Variants in AOPEP observed in about 807,000 individuals in gnomAD.
AOPEP encodes the protein aminopeptidase O.
In AOPEP, 77 loss-of-function variants were observed where a neutral mutation model predicts 98.1. The ratio of observed to expected loss-of-function variants is 0.78; its 90% CI spans 0.65 to 0.95. The LOEUF is 0.95. Among genes scored for constraint, AOPEP ranks in the 40% least tolerant of loss-of-function variants. The probability of loss-of-function intolerance (pLI) is 0.00; values close to 1 mark genes in which losing one functional copy is unlikely to be tolerated. For missense variants in AOPEP, 1,024 were observed against 1,024.7 expected (o/e 1.00, Z 0.01); for synonymous variants, 346 against 365.3 (o/e 0.95, Z 0.60).
chr9:94,808,257 C>G (rs1849681150), intron 5 of AOPEP, among the ~76,000 whole-genome samples: 1 of 152,134 alleles, frequency 6.6e-6, no homozygotes, highest in East Asian at 1.9e-4. Context: ...CCAGGCTGGT[C>G]ACGAACTCCT....
chr9:94,869,160 C>T (rs920645085), intron 5 of AOPEP, among the ~76,000 whole-genome samples: 2 of 152,182 alleles, frequency 1.3e-5, no homozygotes, highest in African/African-American at 4.8e-5. Flanking sequence ...ACCTGGGAGG[C>T]AGAGGCTGCA....
intron 1 of AOPEP, among the ~76,000 whole-genome samples, chr9:94,727,192 C>T (rs994855582): frequency 2.6e-5 from 4 of 152,252 alleles, no homozygotes; most frequent in Admixed American, 6.5e-5. Context: ...GCCTCTTCTT[C>T]CCCCGGAGGA....
chr9:94,820,076 G>C (rs963837301), intron 5 of AOPEP, among the ~76,000 whole-genome samples: 43 of 150,804 alleles, frequency 2.9e-4, no homozygotes, highest in African/African-American at 1.0e-3. Flanking sequence ...CTCCTGAATA[G>C]CTGGGATTAC....
intron 13 of AOPEP, among the ~76,000 whole-genome samples, chr9:95,042,260 C>T (rs925689551): frequency 2.7e-5 from 4 of 149,110 alleles, no homozygotes; most frequent in Non-Finnish European, 6.0e-5. Flanking sequence ...TGCAGTGAGC[C>T]GAGATTGCGC....
chr9:95,036,702 C>CTTTTTTTTTTTTTTTTTTTTT lies in AOPEP; in HGVS notation c.2116-23982_2116-23981insTTTTTTTTTTTTTTTTTTTTT, dbSNP rs58616523. Among the ~76,000 whole-genome samples the CTTTTTTTTTTTTTTTTTTTTT allele has an allele frequency of 1.5e-5, 2 of 135,830 alleles. 1 individual carries two copies. The allele number at this position is 135,830 out of a possible 152,430, so 89.1% of individuals were successfully genotyped here. ...TTTCTTGTTCTTCTTTCTTCTTCTT[C>CTTTTTTTTTTTTTTTTTTTTT]TTTTTTTTTTGTGGGGAATAAAACT... On this transcript the variant is annotated intron_variant, in intron 13 of 16. Transcript: ENST00000375315.
chr9:95,072,016 C>T (rs1564603315), intron 14 of AOPEP, among the ~76,000 whole-genome samples: 1 of 152,154 alleles, frequency 6.6e-6, no homozygotes, highest in Non-Finnish European at 1.5e-5. Flanking sequence ...GGCCGTTGTT[C>T]ACCTTTTGCC....
At chr9:95,135,406 T>A in the AOPEP span, 8 of 1,613,944 alleles carry the variant, frequency 5.0e-6, no homozygotes, top group Middle Eastern at 1.6e-4. Flanking sequence ...CACTGGAGAT[T>A]AGCTTTTCAA....
intron 5 of AOPEP, among the ~76,000 whole-genome samples, chr9:94,911,902 C>T (rs1435810717): frequency 6.6e-6 from 1 of 152,078 alleles, no homozygotes; most frequent in Admixed American, 6.5e-5. Context: ...TCTTAGCATA[C>T]AGCTTGTTGG....
Position 94,743,196 on chromosome 9 carries a change from A to AGAG in AOPEP, c.-136+16447_-136+16448insGGA, listed in dbSNP as rs1263073241. ...AAGAAGAAGAAGAAGAAGAAGAAGAAGAAGAGGAAGAAGAGGAAGAAGAGG... is the reference window on the plus strand; with the variant it reads ...AAGAAGAAGAAGAAGAAGAAGAAGAAGAGGAAGAGGAAGAAGAGGAAGAAGAGG... On this transcript the variant is annotated intron_variant, in intron 1 of 16. Transcript: ENST00000375315. Among the ~76,000 whole-genome samples the AGAG allele has an allele frequency of 4.9e-4, 52 of 106,382 alleles. No homozygotes were observed. The East Asian group carries it at 0.014, about 29-fold the overall frequency. 69.8% of individuals were successfully genotyped at this position (106,382 alleles called of 152,430 possible). A position where few individuals can be genotyped will look rare whatever the true frequency, so the allele number is the denominator to read the frequency against.
chr9:94,760,176 C>T lies in AOPEP; in HGVS notation c.393C>T (p.Cys131=), dbSNP rs768302616. 69 of 1,614,076 alleles carry T rather than the reference C, an allele frequency of 4.3e-5. No individual in the cohort carries two copies. In the East Asian group the frequency reaches 5.1e-4, roughly 12 times the overall value. ...CTGGGATTTCTAGCTCAAAGTACTG[C>T]TGTGACACAGGGAATCATGGGAGTG... ...HASGISSSKY[C]CDTGNHGSED... is the part of the protein sequence containing the mutation. The change falls in exon 2 of 17, where the codon TGC becomes TGT. Residue 131 remains cysteine (C), a synonymous_variant. Coordinates refer to ENST00000375315, the MANE Select transcript of AOPEP (RefSeq NM_001193329.3).
intron 5 of AOPEP, among the ~76,000 whole-genome samples, chr9:94,919,563 G>T (rs2053301061): frequency 1.3e-5 from 2 of 152,200 alleles, no homozygotes; most frequent in South Asian, 4.1e-4. Flanking sequence ...TCGTTTAGAA[G>T]AAGGGGCAGG....
At chr9:94,772,907 A>G (rs1386150375) in intron 2 of AOPEP, 95 bp from the exon 3 acceptor site, 2 of 1,227,724 alleles carry the variant, frequency 1.6e-6, no homozygotes, top group South Asian at 1.9e-5. Context: ...GTTTTCTTTG[A>G]AAGCTCAACT....
At chr9:94,815,562 C>A (rs937753722) in intron 5 of AOPEP, among the ~76,000 whole-genome samples, 1 of 152,094 alleles carries the variant, frequency 6.6e-6, no homozygotes, top group Non-Finnish European at 1.5e-5. Context: ...TGGGTATCCT[C>A]CTATTCCTTT....
chr9:94,747,671 G>T (rs536648458), intron 1 of AOPEP, among the ~76,000 whole-genome samples: 38 of 152,324 alleles, frequency 2.5e-4, no homozygotes, highest in African/African-American at 8.7e-4. Context: ...AGTTTCTGCT[G>T]TTTAAAATGA....
At chr9:95,046,549 A>T (rs2065882428) in intron 13 of AOPEP, among the ~76,000 whole-genome samples, 1 of 152,236 alleles carries the variant, frequency 6.6e-6, no homozygotes, top group Non-Finnish European at 1.5e-5. Flanking sequence ...AAACATGCAT[A>T]AAGCTTATTA....
intron 10 of AOPEP, among the ~76,000 whole-genome samples, chr9:94,968,989 C>T (rs1360062650): frequency 6.6e-6 from 1 of 152,080 alleles, no homozygotes; most frequent in Non-Finnish European, 1.5e-5. Flanking sequence ...CCCGATAATA[C>T]CAACAAGAGG....
chr9:95,022,632 T>C (rs929325976), intron 13 of AOPEP, among the ~76,000 whole-genome samples: 31 of 118,934 alleles, frequency 2.6e-4, no homozygotes, highest in Non-Finnish European at 7.5e-5. Context: ...AGCCACCGCG[T>C]CTGGCCTATT....
intron 5 of AOPEP, among the ~76,000 whole-genome samples, chr9:94,819,786 T>C (rs1208926764): frequency 2.0e-5 from 3 of 151,788 alleles, no homozygotes; most frequent in African/African-American, 7.3e-5. Flanking sequence ...TTGCCTAGGC[T>C]AGTCTTAAAC....
intron 5 of AOPEP, among the ~76,000 whole-genome samples, chr9:94,858,787 A>T (rs1208703412): frequency 1.3e-5 from 2 of 151,958 alleles, no homozygotes; most frequent in African/African-American, 4.8e-5. Context: ...GGTGGCTTAC[A>T]CCAGTAATCT....
Sources: gnomAD v4.1 joint callset for allele counts (sites outside exome capture counted in the v4.1 genomes callset) on GRCh38, gnomAD v4.1.1 for gene constraint, MANE v1.5 for transcripts, NCBI Gene and HGNC (gene_info 2026-07-23, HGNC 2026-07-21) for gene names.